Variants in EPHB1 observed in about 807,000 individuals in gnomAD.
EPHB1 encodes the protein ephrin type-B receptor 1.
A neutral mutation model predicts 94.4 loss-of-function variants in EPHB1; 30 were observed. The observed-to-expected ratio is 0.32, with a 90% CI of 0.24 to 0.43. The LOEUF (loss-of-function observed/expected upper bound fraction) is 0.43, where lower values mean the gene tolerates loss of function less well. EPHB1 is among the 20% of genes least tolerant of loss of function. The probability of loss-of-function intolerance (pLI) is 1.00; values close to 1 mark genes in which losing one functional copy is unlikely to be tolerated. For synonymous variants in EPHB1, 522 were observed against 489.1 expected, an observed-to-expected ratio of 1.07 and a Z score of -0.89; for missense variants, 1,055 against 1,308.3, an observed-to-expected ratio of 0.81 and a Z score of 2.99.
chr3:134,905,501 C>CACAT (rs532631559), intron 1 of EPHB1, among the ~76,000 whole-genome samples: 2 of 152,248 alleles, frequency 1.3e-5, no homozygotes, highest in Non-Finnish European at 2.9e-5. Flanking sequence ...CTTTGGGAAG[C>CACAT]ACATGTGGTT....
chr3:134,918,210 A>G (rs1664067784), intron 1 of EPHB1, among the ~76,000 whole-genome samples: 1 of 152,234 alleles, frequency 6.6e-6, no homozygotes, highest in Non-Finnish European at 1.5e-5. Flanking sequence ...CTCCATGAGT[A>G]GGACTAGGTC....
intron 6 of EPHB1, among the ~76,000 whole-genome samples, chr3:135,161,620 G>C (rs185782780): frequency 1.2e-3 from 183 of 152,276 alleles, no homozygotes; most frequent in African/African-American, 4.2e-3. Flanking sequence ...AGGCAGGCAG[G>C]GGGCAGATGG....
chr3:135,049,751 G>C (rs1355552648), intron 3 of EPHB1, among the ~76,000 whole-genome samples: 1 of 152,224 alleles, frequency 6.6e-6, no homozygotes, highest in Admixed American at 6.5e-5. Context: ...TATGTGATCA[G>C]AGAAGTCCTG....
At chr3:134,883,513 T>C (rs559626077) in intron 1 of EPHB1, among the ~76,000 whole-genome samples, 4 of 152,186 alleles carry the variant, frequency 2.6e-5, no homozygotes, top group Non-Finnish European at 5.9e-5. Flanking sequence ...ATTTAATCCT[T>C]GTGTTTTAAA....
Position 135,105,799 on chromosome 3 carries a change from C to G in EPHB1, c.806-649C>G, listed in dbSNP as rs549156651. On this transcript the variant is annotated intron_variant, in intron 3 of 15. Coordinates refer to ENST00000398015, the MANE Select transcript of EPHB1 (RefSeq NM_004441.5). ...GCAAAGTCATCCTTTCCTTGCCCCA[C>G]CCCCGGAAGCATATCAAAATGCAAT... Among the ~76,000 whole-genome samples the G allele has an allele frequency of 2.0e-5, 3 of 152,254 alleles. No homozygotes were observed. The South Asian group carries it at 6.2e-4, about 32-fold the overall frequency.
chr3:135,203,217 A>C (rs894889540), intron 12 of EPHB1, among the ~76,000 whole-genome samples: 1 of 152,132 alleles, frequency 6.6e-6, no homozygotes, highest in Non-Finnish European at 1.5e-5. Flanking sequence ...CATGTGACAC[A>C]TGTGAACATC....
chr3:134,953,721 G>A (rs1384817895), intron 3 of EPHB1, among the ~76,000 whole-genome samples: 4 of 152,204 alleles, frequency 2.6e-5, no homozygotes, highest in Non-Finnish European at 4.4e-5. Flanking sequence ...AGAATGGCAG[G>A]AACCAGAGCA....
intron 3 of EPHB1, among the ~76,000 whole-genome samples, chr3:135,056,126 T>C (rs56155290): frequency 0.023 from 3,519 of 152,320 alleles, 147 homozygotes; most frequent in African/African-American, 0.081. Flanking sequence ...TATTGTACTG[T>C]CAGTTAGCCT....
intron 3 of EPHB1, among the ~76,000 whole-genome samples, chr3:135,077,578 G>A (rs1937985452): frequency 6.6e-6 from 1 of 152,232 alleles, no homozygotes. Context: ...TAGGTAGGAG[G>A]AAGACGTGGT....
chr3:135,134,343 C>T (rs1194769654), intron 5 of EPHB1, among the ~76,000 whole-genome samples: 1 of 152,210 alleles, frequency 6.6e-6, no homozygotes, highest in Non-Finnish European at 1.5e-5. Context: ...CACCCTCAGA[C>T]TCATTCTGCT....
chr3:135,252,903 CCATT>C (rs1933190295), intron 15 of EPHB1, among the ~76,000 whole-genome samples: 1 of 148,950 alleles, frequency 6.7e-6, no homozygotes, highest in Non-Finnish European at 1.5e-5. Flanking sequence ...TTAATGATTG[CCATT>C]CTAACTGGTG....
intron 3 of EPHB1, among the ~76,000 whole-genome samples, chr3:134,986,424 T>C (rs1196110727): frequency 6.6e-6 from 1 of 152,212 alleles, no homozygotes; most frequent in African/African-American, 2.4e-5. Flanking sequence ...CATTGACATA[T>C]GTCTTGTCTG....
intron 1 of EPHB1, among the ~76,000 whole-genome samples, chr3:134,859,064 C>T (rs2037187369): frequency 6.6e-6 from 1 of 152,196 alleles, no homozygotes; most frequent in Middle Eastern, 3.2e-3. Flanking sequence ...ATTTATTCTC[C>T]AGTTTATAGG....
intron 3 of EPHB1, among the ~76,000 whole-genome samples, chr3:135,086,412 T>G (rs1938364794): frequency 6.6e-6 from 1 of 151,722 alleles, no homozygotes; most frequent in Non-Finnish European, 1.5e-5. Flanking sequence ...GTGCCCCACT[T>G]CAAGACTTCC....
intron 1 of EPHB1, among the ~76,000 whole-genome samples, chr3:134,811,256 T>TTTTTTTTTTTTTTTTTTTTTTTG (rs1553853019): frequency 7.4e-6 from 1 of 134,866 alleles, no homozygotes; most frequent in Non-Finnish European, 1.6e-5. Flanking sequence ...TTTTTTTTTT[T>TTTTTTTTTTTTTTTTTTTTTTTG]TTTTTTTCTG....
intron 3 of EPHB1, among the ~76,000 whole-genome samples, chr3:135,011,013 C>T (rs1385885264): frequency 2.6e-5 from 4 of 152,156 alleles, no homozygotes; most frequent in Non-Finnish European, 5.9e-5. Context: ...AGGTTATTCG[C>T]CACCCACCTC....
chr3:135,026,595 C>A (rs1936183433), intron 3 of EPHB1, among the ~76,000 whole-genome samples: 1 of 141,404 alleles, frequency 7.1e-6, no homozygotes, highest in Non-Finnish European at 1.5e-5. Flanking sequence ...GTACCAGTAC[C>A]ATGCTGTTTT....
chr3:135,135,872 T>A (rs1395882808), intron 5 of EPHB1, among the ~76,000 whole-genome samples: 1 of 152,244 alleles, frequency 6.6e-6, no homozygotes, highest in African/African-American at 2.4e-5. Context: ...GGGTCCTGAT[T>A]GAGAAATAGA....
At position 135,066,083 on chromosome 3, in the gene EPHB1, G is replaced by A. The variant is rs1937576817; in HGVS notation, c.806-40365G>A. Among the ~76,000 whole-genome samples, 4 of 152,162 alleles carry A rather than the reference G, an allele frequency of 2.6e-5. No homozygotes were observed. The South Asian group carries it at 8.3e-4, about 31-fold the overall frequency. ...GAGAAATCTGCTGTTAATCTGACAG[G>A]TTTTCCTTTATAGCTTACCTGGTGC... On this transcript the variant is annotated intron_variant, in intron 3 of 15. Coordinates refer to ENST00000398015, the MANE Select transcript of EPHB1 (RefSeq NM_004441.5).
Sources: gnomAD v4.1 joint callset for allele counts (sites outside exome capture counted in the v4.1 genomes callset) on GRCh38, gnomAD v4.1.1 for gene constraint, MANE v1.5 for transcripts, NCBI Gene and HGNC (gene_info 2026-07-23, HGNC 2026-07-21) for gene names.